CDH17: variants seen among roughly 807,000 people sequenced by gnomAD.
CDH17 encodes the protein cadherin 17.
Under a neutral mutation model 86.3 loss-of-function variants are expected in CDH17, and 67 were observed. The observed-to-expected ratio is 0.78, with a 90% CI of 0.64 to 0.95. The LOEUF (loss-of-function observed/expected upper bound fraction) is 0.95. Among genes scored for constraint, CDH17 ranks in the 40% least tolerant of loss-of-function variants. The probability of loss-of-function intolerance (pLI) is 0.00; values close to 1 mark genes in which losing one functional copy is unlikely to be tolerated. For synonymous variants in CDH17, 367 were observed against 366.4 expected (o/e 1.00, Z -0.02); for missense variants, 993 against 1,017.6 (o/e 0.98, Z 0.33).
chr8:94,199,060 TATATATATATATATATATATA>T (rs1198993243), intron 1 of CDH17, among the ~76,000 whole-genome samples: 53 of 21,432 alleles, frequency 2.5e-3, no homozygotes, highest in African/African-American at 6.8e-3. Context: ...TATATATATA[TATATATATATATATATATATA>T]TATTTTTTTT....
intron 7 of CDH17, among the ~76,000 whole-genome samples, chr8:94,171,981 TC>T (rs1563578435): frequency 9.6e-5 from 2 of 20,762 alleles, no homozygotes; most frequent in African/African-American, 1.5e-4. Flanking sequence ...CCCTCCCCCC[TC>T]CCCCCTCCCC....
upstream of CDH17, among the ~76,000 whole-genome samples, chr8:94,210,937 T>G (rs1463984743): frequency 6.6e-6 from 1 of 151,370 alleles, no homozygotes; most frequent in Non-Finnish European, 1.5e-5. Flanking sequence ...AGGAGAATCA[T>G]TTGAACCTGG....
intron 15 of CDH17, among the ~76,000 whole-genome samples, chr8:94,137,882 G>A (rs879548111): frequency 6.6e-5 from 10 of 152,130 alleles, no homozygotes; most frequent in Admixed American, 2.6e-4. Context: ...AATGGGGATC[G>A]ACTGTATGTG....
At chr8:94,139,903 TAA>T (rs59201526) in intron 15 of CDH17, among the ~76,000 whole-genome samples, 3 of 147,158 alleles carry the variant, frequency 2.0e-5, no homozygotes, top group Non-Finnish European at 4.5e-5. Flanking sequence ...AAAAAATAAA[TAA>T]AAAAAAAGGG....
Position 94,170,472 on chromosome 8 carries a change from T to G in CDH17, c.991A>C (p.Lys331Gln). The change falls in exon 9 of 18, where the codon AAA (lysine) becomes CAA (glutamine). Residue 331 changes from lysine to glutamine, a missense_variant. Physicochemically the swap from Lys to Gln is moderately conservative, Grantham distance 53. Transcript: ENST00000027335. Reference sequence around the variant, plus strand: ...GTAGGTGGATTATCATTAATATCTTTAACTTTTACATGAATTTCCAGCGGA... The same window carrying G: ...GTAGGTGGATTATCATTAATATCTTGAACTTTTACATGAATTTCCAGCGGA... ...SYPLEIHVKVKDINDNPPTCP... is the reference protein window; with the variant it reads ...SYPLEIHVKVQDINDNPPTCP... The G allele has an allele frequency of 6.2e-7, 1 of 1,613,886 alleles. No homozygotes were observed. Among genetic ancestry groups the G allele is most frequent in the Non-Finnish European group, 8.5e-7 (1 of 1,179,802 alleles).
upstream of CDH17, among the ~76,000 whole-genome samples, chr8:94,211,836 T>A (rs758605166): frequency 6.6e-6 from 1 of 152,222 alleles, no homozygotes; most frequent in Admixed American, 6.5e-5. Flanking sequence ...AGAAACTTTG[T>A]CTTCAATTAG....
chr8:94,185,084 AG>A (rs1186351997), intron 3 of CDH17, among the ~76,000 whole-genome samples: 1 of 152,312 alleles, frequency 6.6e-6, no homozygotes, highest in East Asian at 1.9e-4. Context: ...ACTAGAAGTC[AG>A]GAGACCTGTG....
chr8:94,153,270 G>A (rs1393286535), intron 12 of CDH17, among the ~76,000 whole-genome samples: 1 of 152,108 alleles, frequency 6.6e-6, no homozygotes, highest in African/African-American at 2.4e-5. Context: ...GGAAAAAAAT[G>A]CTCATTACTA....
At chr8:94,213,451 G>A (rs969759115), upstream of CDH17, among the ~76,000 whole-genome samples, 2 of 152,116 alleles carry the variant, frequency 1.3e-5, no homozygotes, top group Non-Finnish European at 2.9e-5. Flanking sequence ...TGATGCAGTC[G>A]GTCTGATGTT....
At chr8:94,212,034 C>A (rs931645118), upstream of CDH17, among the ~76,000 whole-genome samples, 1 of 152,220 alleles carries the variant, frequency 6.6e-6, no homozygotes, top group Non-Finnish European at 1.5e-5. Flanking sequence ...TGAAGTGAAA[C>A]TAATTTTCTG....
intron 5 of CDH17, 88 bp downstream of exon 5, chr8:94,176,453 C>T: frequency 1.4e-6 from 2 of 1,390,408 alleles, no homozygotes; most frequent in Non-Finnish European, 2.0e-6. Context: ...TATTGAGTGA[C>T]AGCTGCAGCT....
At chr8:94,160,960 A>T (rs555884649) in intron 11 of CDH17, among the ~76,000 whole-genome samples, 2 of 152,194 alleles carry the variant, frequency 1.3e-5, no homozygotes, top group Non-Finnish European at 2.9e-5. Flanking sequence ...ACACTGGCCT[A>T]GACCATCTCC....
At chr8:94,170,694 A>G in intron 8 of CDH17, 147 bp from the exon 9 acceptor site, 1 of 1,327,246 alleles carries the variant, frequency 7.5e-7, no homozygotes, top group Non-Finnish European at 1.0e-6. Flanking sequence ...GAGATGGGTC[A>G]GAATTATGTG....
At chr8:94,146,840 A>G (rs567213653) in intron 14 of CDH17, among the ~76,000 whole-genome samples, 140 of 152,332 alleles carry the variant, frequency 9.2e-4, no homozygotes, top group Non-Finnish European at 1.2e-3. Flanking sequence ...GACTGTTATC[A>G]TGTCCTCCTC....
Position 94,151,946 on chromosome 8 carries a change from G to C in CDH17, c.1718C>G (p.Ala573Gly). 1 of 1,614,134 alleles carries C rather than the reference G, an allele frequency of 6.2e-7. No homozygotes were observed. The change falls in exon 13 of 18, where the codon GCG (alanine) becomes GGG (glycine). Residue 573 changes from alanine to glycine, a missense_variant. Coordinates refer to ENST00000027335, the MANE Select transcript of CDH17 (RefSeq NM_004063.4). ...APQFSQHVFQ[A>G]KVSEDVAIGT... ...TATAGCTACATCCTCACTGACTTTC[G>C]CTTGGAATACGTGTTGGGAAAATTG...
At position 94,130,659 on chromosome 8, in the gene CDH17, C is replaced by T. The variant is rs757040010; in HGVS notation, c.2365G>A (p.Val789Ile). Residue 789 changes from valine (V) to isoleucine (I), a missense_variant, in exon 17 of 18, where the codon GTT becomes ATT. By Grantham distance (29) the Val-to-Ile change is conservative (BLOSUM62 3). Coordinates refer to ENST00000027335, the MANE Select transcript of CDH17 (RefSeq NM_004063.4). Reference sequence around the variant, plus strand: ...AGAAGGGTGGTCAGCAGTATACCAACTGCCATGCCCACAGTGGGTATCCCA... The same window carrying T: ...AGAAGGGTGGTCAGCAGTATACCAATTGCCATGCCCACAGTGGGTATCCCA... Reference protein sequence around the residue: ...QTGIPTVGMAVGILLTTLLVI... With the variant: ...QTGIPTVGMAIGILLTTLLVI... 5.6e-6 allele frequency: 9 copies of T among 1,613,646 alleles called. No individual in the cohort carries two copies. Among genetic ancestry groups the T allele is most frequent in the Non-Finnish European group, 7.6e-6 (9 of 1,179,702 alleles).
intron 15 of CDH17, among the ~76,000 whole-genome samples, chr8:94,139,106 G>A (rs1812587389): frequency 2.0e-5 from 3 of 152,090 alleles, no homozygotes; most frequent in African/African-American, 7.2e-5. Context: ...TATTCTATAT[G>A]TTCAAGAAGC....
intron 9 of CDH17, 81 bp from the exon 10 acceptor site, chr8:94,166,057 T>G: frequency 1.2e-6 from 1 of 823,706 alleles, no homozygotes; most frequent in Non-Finnish European, 2.0e-6. Flanking sequence ...AATAAGCACA[T>G]TCCTAGAAAA....
At chr8:94,151,833 C>G (rs371395316) in intron 13 of CDH17, 35 bp downstream of exon 13, 1 of 1,611,946 alleles carries the variant, frequency 6.2e-7, no homozygotes, top group Non-Finnish European at 8.5e-7. Flanking sequence ...TTGGTGACCA[C>G]GCAGCCAGGC....
Sources: gnomAD v4.1 joint callset for allele counts (sites outside exome capture counted in the v4.1 genomes callset) on GRCh38, gnomAD v4.1.1 for gene constraint, MANE v1.5 for transcripts, NCBI Gene and HGNC (gene_info 2026-07-23, HGNC 2026-07-21) for gene names.